Variants in FARS2 observed in about 807,000 individuals in gnomAD.
FARS2 encodes phenylalanyl-tRNA synthetase 2, mitochondrial.
In FARS2, 40 loss-of-function variants were observed where a neutral mutation model predicts 46.4. The observed-to-expected ratio is 0.86, with a 90% CI of 0.67 to 1.12. The LOEUF is 1.12. Ranked by LOEUF, FARS2 falls within the 50% of genes most tolerant of loss-of-function variation. FARS2 has a pLI of 0.00. For missense variants in FARS2, 513 were observed against 567.9 expected, an observed-to-expected ratio of 0.90 and a Z score of 0.98; for synonymous variants, 234 against 214.9, an observed-to-expected ratio of 1.09 and a Z score of -0.78.
At chr6:5,288,636 G>A (rs1360013508) in intron 1 of FARS2, among the ~76,000 whole-genome samples, 1 of 152,168 alleles carries the variant, frequency 6.6e-6, no homozygotes. Context: ...TGTACGTGCT[G>A]GGCACTGTTG....
chr6:5,598,326 T>C (rs566574096), intron 5 of FARS2, among the ~76,000 whole-genome samples: 50 of 152,252 alleles, frequency 3.3e-4, no homozygotes, highest in African/African-American at 1.2e-3. Context: ...AAGGCTGCAG[T>C]GAGCTATGAA....
chr6:5,557,131 G>A (rs1325947306), intron 5 of FARS2, among the ~76,000 whole-genome samples: 2 of 152,182 alleles, frequency 1.3e-5, no homozygotes, highest in Non-Finnish European at 2.9e-5. Context: ...TCAATTAAGT[G>A]TTGATGGACA....
At chr6:5,546,774 A>C (rs1300516546) in intron 5 of FARS2, among the ~76,000 whole-genome samples, 1 of 150,830 alleles carries the variant, frequency 6.6e-6, no homozygotes, top group African/African-American at 2.4e-5. Context: ...CATTAAGCCC[A>C]TCCAGTGAAT....
chr6:5,308,734 G>A (rs1768895643), intron 1 of FARS2, among the ~76,000 whole-genome samples: 1 of 152,194 alleles, frequency 6.6e-6, no homozygotes, highest in South Asian at 2.1e-4. Flanking sequence ...GGATCAAGCC[G>A]TGGTATATGG....
chr6:5,568,953 G>A (rs1450541626), intron 5 of FARS2, among the ~76,000 whole-genome samples: 5 of 152,116 alleles, frequency 3.3e-5, no homozygotes, highest in Non-Finnish European at 7.4e-5. Flanking sequence ...GGATCCTTAT[G>A]TGAGGCAGAG....
At chr6:5,314,362 G>C (rs919459656) in intron 1 of FARS2, among the ~76,000 whole-genome samples, 1 of 152,070 alleles carries the variant, frequency 6.6e-6, no homozygotes, top group Non-Finnish European at 1.5e-5. Flanking sequence ...GTGGAGGAGA[G>C]GGATGAGTTG....
intron 6 of FARS2, among the ~76,000 whole-genome samples, chr6:5,734,900 G>A (rs904336989): frequency 5.3e-5 from 8 of 152,110 alleles, no homozygotes; most frequent in African/African-American, 1.7e-4. Flanking sequence ...GATAGAAACC[G>A]TTAGTGTAGT....
intron 6 of FARS2, among the ~76,000 whole-genome samples, chr6:5,618,277 C>T (rs1312456552): frequency 6.6e-6 from 1 of 152,170 alleles, no homozygotes; most frequent in Non-Finnish European, 1.5e-5. Context: ...CTTGAGCACC[C>T]TGTGCCCATC....
At chr6:5,691,956 C>T (rs577151314) in intron 6 of FARS2, among the ~76,000 whole-genome samples, 48 of 152,300 alleles carry the variant, frequency 3.2e-4, no homozygotes, top group Admixed American at 1.8e-3. Context: ...TAGCAATGAG[C>T]GAGGCTCCGT....
At chr6:5,564,628 TG>T (rs926190535) in intron 5 of FARS2, among the ~76,000 whole-genome samples, 3 of 152,236 alleles carry the variant, frequency 2.0e-5, no homozygotes, top group Admixed American at 6.5e-5. Context: ...GACTTAAACT[TG>T]ACCTGATTAT....
At chr6:5,261,060 G>C, upstream of FARS2, 2 of 674,900 alleles carry the variant, frequency 3.0e-6, no homozygotes, top group Non-Finnish European at 3.8e-6. Context: ...CGGGAGGGCG[G>C]GGAAATAAGA....
chr6:5,327,498 T>C (rs185148415), intron 1 of FARS2, among the ~76,000 whole-genome samples: 747 of 152,238 alleles, frequency 4.9e-3, no homozygotes, highest in Non-Finnish European at 8.4e-3. Context: ...ATGGTGAATA[T>C]GTCTCATGAA....
intron 3 of FARS2, among the ~76,000 whole-genome samples, chr6:5,408,420 C>T (rs1761739424): frequency 1.3e-5 from 2 of 152,008 alleles, no homozygotes; most frequent in Non-Finnish European, 2.9e-5. Flanking sequence ...CAGCACAGTC[C>T]ACGGAAAGAA....
At chr6:5,503,968 A>C (rs1367305156) in intron 4 of FARS2, among the ~76,000 whole-genome samples, 1 of 152,214 alleles carries the variant, frequency 6.6e-6, no homozygotes, top group African/African-American at 2.4e-5. Context: ...AAATCTTAAA[A>C]GTATTCAATT....
intron 3 of FARS2, among the ~76,000 whole-genome samples, chr6:5,406,243 T>C (rs149509246): frequency 6.6e-6 from 1 of 152,318 alleles, no homozygotes; most frequent in African/African-American, 2.4e-5. Flanking sequence ...TAACATAAAG[T>C]AAGCTACACA....
At chr6:5,652,853 G>T (rs1202960271) in intron 6 of FARS2, among the ~76,000 whole-genome samples, 1 of 152,198 alleles carries the variant, frequency 6.6e-6, no homozygotes, top group African/African-American at 2.4e-5. Flanking sequence ...TGCAGGTAAT[G>T]GGGGAGCTGC....
At position 5,651,388 on chromosome 6, in the gene FARS2, A is replaced by G. The variant is rs545104236; in HGVS notation, c.1217+38068A>G. Among the ~76,000 whole-genome samples, 5 of 152,350 alleles carry G rather than the reference A, an allele frequency of 3.3e-5. No individual in the cohort carries two copies. In the East Asian group the frequency reaches 9.6e-4, roughly 29 times the overall value. On this transcript the variant is annotated intron_variant, in intron 6 of 6. Transcript: ENST00000274680. ...TTTCTCCTCACTGACGTGTAGCAAA[A>G]GGACCACTCTGCCAATCACCAACAG...
chr6:5,391,124 C>G (rs943778369), intron 2 of FARS2, among the ~76,000 whole-genome samples: 3 of 152,160 alleles, frequency 2.0e-5, no homozygotes, highest in Admixed American at 1.3e-4. Flanking sequence ...ATGTCCAGTT[C>G]TAAATCCTAT....
intron 1 of FARS2, among the ~76,000 whole-genome samples, chr6:5,326,635 C>G (rs888726246): frequency 1.3e-5 from 2 of 152,178 alleles, no homozygotes; most frequent in African/African-American, 4.8e-5. Context: ...GGAGCAGCAG[C>G]CTTCTCCTTC....
Sources: allele counts gnomAD v4.1 joint callset (sites outside exome capture counted in the v4.1 genomes callset), GRCh38; gene constraint gnomAD v4.1.1; transcripts MANE v1.5; gene names NCBI Gene and HGNC (gene_info 2026-07-23, HGNC 2026-07-21).